BICD1: variants seen among roughly 807,000 people sequenced by gnomAD.
BICD1 encodes the protein BICD cargo adaptor 1.
Under a neutral mutation model 92.5 loss-of-function variants are expected in BICD1, and 35 were observed. The observed-to-expected ratio is 0.38, with a 90% CI of 0.29 to 0.50. The LOEUF (loss-of-function observed/expected upper bound fraction) is 0.50, where lower values mean the gene tolerates loss of function less well. BICD1 is among the 20% of genes least tolerant of loss of function. BICD1 has a pLI of 0.93. For missense variants in BICD1, 950 were observed against 1,189.8 expected, an observed-to-expected ratio of 0.80 and a Z score of 2.97; for synonymous variants, 429 against 465.1, an observed-to-expected ratio of 0.92 and a Z score of 1.00.
At chr12:32,190,975 C>T (rs969194448) in intron 1 of BICD1, among the ~76,000 whole-genome samples, 5 of 152,180 alleles carry the variant, frequency 3.3e-5, no homozygotes, top group Non-Finnish European at 5.9e-5. Context: ...TAAGCACACA[C>T]TCCTGAACAA....
intron 9 of BICD1, among the ~76,000 whole-genome samples, chr12:32,376,250 A>AT (rs951574892): frequency 2.1e-4 from 31 of 149,094 alleles, no homozygotes; most frequent in South Asian, 1.3e-3. Context: ...TACCCAGCTA[A>AT]TTTTTTTTTT....
chr12:32,181,303 C>G (rs758274394), intron 1 of BICD1, among the ~76,000 whole-genome samples: 3 of 151,610 alleles, frequency 2.0e-5, no homozygotes, highest in Non-Finnish European at 4.4e-5. Flanking sequence ...GCCTGTAATC[C>G]TAGCCACCGG....
intron 1 of BICD1, among the ~76,000 whole-genome samples, chr12:32,124,084 C>A (rs1398838780): frequency 3.3e-5 from 5 of 152,158 alleles, no homozygotes; most frequent in Admixed American, 3.3e-4. Flanking sequence ...ATCCAGTAGA[C>A]CCTAGCCAAA....
chr12:32,249,893 A>G (rs559191394), intron 2 of BICD1, among the ~76,000 whole-genome samples: 2 of 151,736 alleles, frequency 1.3e-5, no homozygotes, highest in South Asian at 2.1e-4. Flanking sequence ...CAGAGGCTTG[A>G]AAAGGAAATA....
chr12:32,269,082 A>G (rs940365310), intron 2 of BICD1, among the ~76,000 whole-genome samples: 5 of 152,034 alleles, frequency 3.3e-5, no homozygotes, highest in African/African-American at 1.2e-4. Context: ...TGATGTTGAT[A>G]CTGCTGGTTC....
intron 8 of BICD1, among the ~76,000 whole-genome samples, chr12:32,355,459 A>T (rs1236807497): frequency 6.6e-6 from 1 of 152,174 alleles, no homozygotes; most frequent in Non-Finnish European, 1.5e-5. Context: ...GTGTGGCTAG[A>T]GAGAATAGAT....
intron 2 of BICD1, among the ~76,000 whole-genome samples, chr12:32,232,272 T>C (rs11051862): frequency 0.37 from 53,963 of 147,664 alleles, 10,070 homozygotes; most frequent in Non-Finnish European, 0.4. Flanking sequence ...TTTTTAATGA[T>C]TGCCATTCTA....
chr12:32,351,549 CTT>C (rs985871487), intron 8 of BICD1, among the ~76,000 whole-genome samples: 7 of 116,940 alleles, frequency 6.0e-5, no homozygotes, highest in South Asian at 2.7e-4. Flanking sequence ...GCATTTAAGA[CTT>C]ATATGAAAAT....
At chr12:32,209,044 A>G (rs998409424) in intron 1 of BICD1, among the ~76,000 whole-genome samples, 1 of 152,084 alleles carries the variant, frequency 6.6e-6, no homozygotes, top group Admixed American at 6.5e-5. Flanking sequence ...TATGTTGGTC[A>G]GGTGGACCTT....
chr12:32,333,218 C>A (rs374483212), intron 5 of BICD1: 1 of 985,104 alleles, frequency 1.0e-6, no homozygotes, highest in East Asian at 1.1e-4. Context: ...AAACACTAAA[C>A]AACTGCCGTT....
chr12:32,141,058 C>G (rs1942905412), intron 1 of BICD1, among the ~76,000 whole-genome samples: 1 of 152,178 alleles, frequency 6.6e-6, no homozygotes. Context: ...TCTGTTAACC[C>G]TTCGAGGGCA....
intron 8 of BICD1, among the ~76,000 whole-genome samples, chr12:32,362,483 T>G (rs1939368161): frequency 6.6e-6 from 1 of 152,270 alleles, no homozygotes; most frequent in Admixed American, 6.5e-5. Context: ...TGTATTATTT[T>G]CAGCCACCTC....
chr12:32,119,012 C>T (rs1301082572), intron 1 of BICD1, among the ~76,000 whole-genome samples: 1 of 152,136 alleles, frequency 6.6e-6, no homozygotes, highest in Admixed American at 6.5e-5. Context: ...AAGAGACAGA[C>T]TGGCTGGGGA....
chr12:32,159,173 A>C (rs948323070), intron 1 of BICD1, among the ~76,000 whole-genome samples: 1 of 151,994 alleles, frequency 6.6e-6, no homozygotes, highest in Non-Finnish European at 1.5e-5. Flanking sequence ...ACCTCATGTG[A>C]TCCACCCACC....
At chr12:32,303,829 C>A (rs1483554863) in intron 3 of BICD1, among the ~76,000 whole-genome samples, 2 of 152,106 alleles carry the variant, frequency 1.3e-5, no homozygotes, top group Non-Finnish European at 1.5e-5. Context: ...AATCCCAGCA[C>A]TTTGGGAGGC....
At position 32,225,631 on chromosome 12, in the gene BICD1, T is replaced by TTTTTTTTTTTG. The variant is rs1565600360; in HGVS notation, c.426+9182_426+9183insGTTTTTTTTTT. On this transcript the variant is annotated intron_variant, in intron 2 of 9. Transcript: ENST00000652176. ...CAGTTCTTTTTTTCTGTTTTTTTTT[T>TTTTTTTTTTTG]TTTTTTTTTTAGACGGAGTTTTGCT... Among the ~76,000 whole-genome samples, 787 of 139,438 alleles carry TTTTTTTTTTTG rather than the reference T, an allele frequency of 5.6e-3. 45 individuals are homozygous for TTTTTTTTTTTG. The highest frequency in any genetic ancestry group is 0.055 in the Admixed American group (724 of 13,160). The allele number at this position is 139,438 out of a possible 152,430, so 91.5% of individuals were successfully genotyped here. A position where few individuals can be genotyped will look rare whatever the true frequency, so the allele number is the denominator to read the frequency against.
chr12:32,329,161 C>A (rs2728688), intron 5 of BICD1, among the ~76,000 whole-genome samples: 1 of 151,952 alleles, frequency 6.6e-6, no homozygotes, highest in African/African-American at 2.4e-5. Context: ...CTGGAGTGCA[C>A]TGGCGCCATC....
At chr12:32,232,049 C>T (rs1225149602) in intron 2 of BICD1, among the ~76,000 whole-genome samples, 1 of 151,286 alleles carries the variant, frequency 6.6e-6, no homozygotes, top group Non-Finnish European at 1.5e-5. Context: ...AATAAACATA[C>T]GTGTGCATGT....
chr12:32,152,870 G>A (rs1290659657), intron 1 of BICD1, among the ~76,000 whole-genome samples: 1 of 152,162 alleles, frequency 6.6e-6, no homozygotes, highest in African/African-American at 2.4e-5. Context: ...CTGAGAAAAG[G>A]TTGTTCAGTT....
Sources: allele counts gnomAD v4.1 joint callset (sites outside exome capture counted in the v4.1 genomes callset), GRCh38; gene constraint gnomAD v4.1.1; transcripts MANE v1.5; gene names NCBI Gene and HGNC (gene_info 2026-07-23, HGNC 2026-07-21).